LRRC2: variants seen among roughly 807,000 people sequenced by gnomAD.
LRRC2 encodes the protein leucine-rich repeat-containing protein 2.
A neutral mutation model predicts 40.2 loss-of-function variants in LRRC2; 27 were observed. The observed-to-expected ratio is 0.67, with a 90% CI of 0.49 to 0.93. The LOEUF (loss-of-function observed/expected upper bound fraction) is 0.93, where lower values mean the gene tolerates loss of function less well. Ranked by LOEUF, LRRC2 falls within the 40% of genes least tolerant of loss-of-function variation. The pLI, the probability that LRRC2 is intolerant of heterozygous loss-of-function variation, is 0.00. For synonymous variants in LRRC2, 147 were observed against 158.9 expected (o/e 0.92, Z 0.56); for missense variants, 402 against 439.6 (o/e 0.91, Z 0.76).
chr3:46,553,306 C>T (rs2107043096), intron 1 of LRRC2, among the ~76,000 whole-genome samples: 3 of 152,320 alleles, frequency 2.0e-5, no homozygotes, highest in South Asian at 4.1e-4. Flanking sequence ...CTAAGTGCAG[C>T]AGCAAAGTCT....
intron 4 of LRRC2, among the ~76,000 whole-genome samples, chr3:46,537,326 C>T (rs1187287112): frequency 6.6e-6 from 1 of 152,186 alleles, no homozygotes; most frequent in Non-Finnish European, 1.5e-5. Context: ...TCTCAAACTC[C>T]TAGGCTCAAG....
intron 2 of LRRC2, 174 bp downstream of exon 2, chr3:46,551,293 G>C: frequency 1.6e-6 from 1 of 631,946 alleles, no homozygotes. Context: ...TGCTATCATA[G>C]GAACTGCGTA....
At chr3:46,555,791 T>C (rs1319460140) in intron 1 of LRRC2, among the ~76,000 whole-genome samples, 4 of 152,192 alleles carry the variant, frequency 2.6e-5, no homozygotes, top group African/African-American at 9.6e-5. Flanking sequence ...TATGTTCCTG[T>C]TCCTTCCTTC....
chr3:46,531,649 A>G (rs1297570113), intron 5 of LRRC2, among the ~76,000 whole-genome samples: 1 of 152,168 alleles, frequency 6.6e-6, no homozygotes, highest in Non-Finnish European at 1.5e-5. Context: ...TGAACTGGAA[A>G]AGACTGGGAG....
chr3:46,560,865 G>A (rs1223965821), intron 1 of LRRC2, among the ~76,000 whole-genome samples: 1 of 152,172 alleles, frequency 6.6e-6, no homozygotes, highest in East Asian at 1.9e-4. Context: ...GCCACAAAGT[G>A]TCATCAGCCA....
chr3:46,521,677 G>T lies in LRRC2; in HGVS notation c.930-19C>A. ...TACAAATCTATTCGAGAAAGCATGG[G>T]AAGTATCACATTATCACCTGTGCGT... On this transcript the variant is annotated intron_variant, in intron 7 of 8. Coordinates refer to ENST00000395905, the MANE Select transcript of LRRC2 (RefSeq NM_024512.5). The T allele has an allele frequency of 1.9e-6, 3 of 1,601,312 alleles. No individual in the cohort carries two copies. The African/African-American group carries it at 4.0e-5, about 21-fold the overall frequency.
chr3:46,560,634 T>G (rs1433235464), intron 1 of LRRC2, among the ~76,000 whole-genome samples: 1 of 152,230 alleles, frequency 6.6e-6, no homozygotes. Context: ...CCTCGTTGAA[T>G]TTGACAGCAA....
intron 4 of LRRC2, among the ~76,000 whole-genome samples, chr3:46,537,292 G>GT (rs1168840620): frequency 3.9e-5 from 6 of 152,156 alleles, no homozygotes; most frequent in African/African-American, 1.4e-4. Flanking sequence ...TAGAGATGGG[G>GT]TTTTGCCATG....
intron 1 of LRRC2, among the ~76,000 whole-genome samples, chr3:46,552,000 T>C (rs141692918): frequency 5.5e-4 from 84 of 152,162 alleles, no homozygotes; most frequent in African/African-American, 2.0e-3. Flanking sequence ...AGGGTCTCAC[T>C]CTATTGCCGA....
chr3:46,534,159 G>A (rs1315634015), intron 4 of LRRC2, among the ~76,000 whole-genome samples: 4 of 152,042 alleles, frequency 2.6e-5, no homozygotes, highest in Admixed American at 2.6e-4. Context: ...CTCCCACTGT[G>A]AGTGAGAACA....
rs537780739 is a variant in LRRC2, at chr3:46,541,044, T to C, written c.334-1843A>G. ...ATGACTATTTTCAACAAGAAAAATA[T>C]TAGGATAGGCCGGGCATGGTGGCTC... On this transcript the variant is annotated intron_variant, in intron 3 of 8. Transcript: ENST00000395905. Among the ~76,000 whole-genome samples, 97 of 152,254 alleles carry C rather than the reference T, an allele frequency of 6.4e-4. 1 individual carries two copies. Among genetic ancestry groups the C allele is most frequent in the African/African-American group, 2.2e-3 (90 of 41,538 alleles).
At chr3:46,534,128 C>T (rs1470329017) in intron 4 of LRRC2, among the ~76,000 whole-genome samples, 2 of 152,136 alleles carry the variant, frequency 1.3e-5, no homozygotes, top group East Asian at 3.9e-4. Context: ...CTCCCTGTGT[C>T]CATGTGTTCT....
rs141101290 is a variant in LRRC2, at chr3:46,519,288, C to A, written c.1067-225G>T. 4.6e-3 allele frequency among the ~76,000 whole-genome samples: 694 copies of A among 152,306 alleles called. 10 individuals carry two copies. The highest frequency in any genetic ancestry group is 0.015 in the African/African-American group (643 of 41,560). ...TTTAGAAATGTTTAGATCTAAGAATCGTTAACTTTCATTCTTTTGCCATCT... is the reference window on the plus strand; with the variant it reads ...TTTAGAAATGTTTAGATCTAAGAATAGTTAACTTTCATTCTTTTGCCATCT... On this transcript the variant is annotated intron_variant, in intron 8 of 8. Transcript: ENST00000395905.
At chr3:46,536,590 G>A (rs1704273498) in intron 4 of LRRC2, among the ~76,000 whole-genome samples, 1 of 152,134 alleles carries the variant, frequency 6.6e-6, no homozygotes, top group African/African-American at 2.4e-5. Context: ...CCCCACCAGT[G>A]GTCTCAACCA....
intron 5 of LRRC2, among the ~76,000 whole-genome samples, chr3:46,530,337 T>C (rs949923046): frequency 3.3e-5 from 5 of 152,156 alleles, no homozygotes; most frequent in Non-Finnish European, 5.9e-5. Context: ...TCTAGCACTT[T>C]GGGAGGCTGA....
At position 46,551,371 on chromosome 3, in the gene LRRC2, C is replaced by G. The variant is rs1001310476; in HGVS notation, c.125+96G>C. ...AAAATTTTACCAACAGTGAGAAATC[C>G]CAGAAGAAAAGCATCCTCCTCCACA... On this transcript the variant is annotated intron_variant, in intron 2 of 8. Transcript: ENST00000395905. 1.4e-5 allele frequency: 21 copies of G among 1,455,532 alleles called. No homozygotes were observed. In the Admixed American group the frequency reaches 4.5e-4, roughly 31 times the overall value. The allele number at this position is 1,455,532 out of a possible 1,614,324, so 90.2% of individuals were successfully genotyped here.
intron 1 of LRRC2, among the ~76,000 whole-genome samples, chr3:46,553,001 A>T (rs191511745): frequency 1.3e-5 from 2 of 152,380 alleles, no homozygotes; most frequent in Admixed American, 1.3e-4. Context: ...CCTGGCACCT[A>T]GTATAGTGCC....
Position 46,521,016 on chromosome 3 carries a change from C to CT in LRRC2, c.1066+505dup, listed in dbSNP as rs1283244416. Among the ~76,000 whole-genome samples, 13 of 152,306 alleles carry CT rather than the reference C, an allele frequency of 8.5e-5. No individual in the cohort carries two copies. The East Asian group carries it at 2.5e-3, about 29-fold the overall frequency. ...CCCTTTCCTGAGGTACTTGACCCCC[C>CT]TCGCCCCTCTGTATTCTCACCACCC... On this transcript the variant is annotated intron_variant, in intron 8 of 8. Coordinates refer to ENST00000395905, the MANE Select transcript of LRRC2 (RefSeq NM_024512.5).
At chr3:46,541,737 A>G (rs909472372) in intron 3 of LRRC2, among the ~76,000 whole-genome samples, 1 of 152,174 alleles carries the variant, frequency 6.6e-6, no homozygotes, top group African/African-American at 2.4e-5. Flanking sequence ...GATCGGGTTC[A>G]AAGTCTGAGG....
Sources: gnomAD v4.1 joint callset for allele counts (sites outside exome capture counted in the v4.1 genomes callset) on GRCh38, gnomAD v4.1.1 for gene constraint, MANE v1.5 for transcripts, NCBI Gene and HGNC (gene_info 2026-07-23, HGNC 2026-07-21) for gene names.